The following MKLN1 variants were observed in gnomAD, a reference collection of about 807,000 sequenced individuals.
The protein encoded by MKLN1 is muskelin.
Under a neutral mutation model 99.0 loss-of-function variants are expected in MKLN1, and 18 were observed. That is an observed-to-expected ratio of 0.18 (90% CI 0.13 to 0.27). The LOEUF (loss-of-function observed/expected upper bound fraction) is 0.27, where lower values mean the gene tolerates loss of function less well. Among genes scored for constraint, MKLN1 ranks in the 10% least tolerant of loss-of-function variants. MKLN1 has a pLI of 1.00. For missense variants in MKLN1, 621 were observed against 875.9 expected, an observed-to-expected ratio of 0.71 and a Z score of 3.67; for synonymous variants, 288 against 293.2, an observed-to-expected ratio of 0.98 and a Z score of 0.18.
At chr7:131,173,962 C>CTTTT in intron 2 of MKLN1, among the ~76,000 whole-genome samples, 1 of 139,892 alleles carries the variant, frequency 7.1e-6, no homozygotes, top group Non-Finnish European at 1.5e-5. Context: ...GTTTAAAGAC[C>CTTTT]TTTTTCTTTT....
At chr7:131,467,165 A>G (rs1796688763) in intron 15 of MKLN1, among the ~76,000 whole-genome samples, 1 of 152,154 alleles carries the variant, frequency 6.6e-6, no homozygotes, top group African/African-American at 2.4e-5. Context: ...CAGACTGTCA[A>G]TTACTTTATG....
At position 131,495,227 on chromosome 7, in the gene MKLN1, C is replaced by T. The variant is rs1418746483; in HGVS notation, c.*7499C>T. ...TCTGATAGAGATAGATTCTCAAAAC[C>T]AAAATTGGACTGAAAATTAGATTGA... On this transcript the variant is annotated 3_prime_UTR_variant, in exon 18 of 18. Coordinates refer to ENST00000352689, the MANE Select transcript of MKLN1 (RefSeq NM_013255.5). The T allele has an allele frequency of 1.3e-5, 2 of 152,074 alleles. No homozygotes were observed. Among genetic ancestry groups the T allele is most frequent in the Non-Finnish European group, 2.9e-5 (2 of 68,004 alleles). The allele number at this position is 152,074 out of a possible 1,614,324, so 9.4% of individuals were successfully genotyped here.
intron 2 of MKLN1, among the ~76,000 whole-genome samples, chr7:131,199,204 T>C (rs1391613000): frequency 2.0e-5 from 3 of 151,122 alleles, no homozygotes; most frequent in Non-Finnish European, 2.9e-5. Flanking sequence ...GGTTAAAGCA[T>C]GGACATATAA....
chr7:131,154,999 A>G (rs1460391998), intron 2 of MKLN1, among the ~76,000 whole-genome samples: 1 of 152,164 alleles, frequency 6.6e-6, no homozygotes, highest in South Asian at 2.1e-4. Context: ...AGACATTTAC[A>G]CTGACATAGT....
At chr7:131,178,268 C>T (rs555519349) in intron 2 of MKLN1, among the ~76,000 whole-genome samples, 1 of 148,636 alleles carries the variant, frequency 6.7e-6, no homozygotes, top group South Asian at 2.1e-4. Flanking sequence ...AGGCGCCTGC[C>T]ACATGCCCGG....
At chr7:131,145,983 G>A (rs1403668921) in intron 2 of MKLN1, among the ~76,000 whole-genome samples, 2 of 152,230 alleles carry the variant, frequency 1.3e-5, no homozygotes, top group Admixed American at 1.3e-4. Context: ...CATAGTGAGT[G>A]TGTACTGTAT....
chr7:131,203,391 T>C (rs2116413431), intron 3 of MKLN1, among the ~76,000 whole-genome samples: 2 of 152,218 alleles, frequency 1.3e-5, no homozygotes, highest in African/African-American at 4.8e-5. Context: ...TGCCAGAGGA[T>C]TTTAAGGGAG....
At position 131,463,260 on chromosome 7, in the gene MKLN1, A is replaced by G. The variant is rs1796569581; in HGVS notation, c.1569A>G (p.Glu523=). 2 of 1,612,350 alleles carry G rather than the reference A, an allele frequency of 1.2e-6. No individual in the cohort carries two copies. Among genetic ancestry groups the G allele is most frequent in the Non-Finnish European group, 1.7e-6 (2 of 1,179,110 alleles). ...CACAGAGAGCAACTATTGATCCAGA[A>G]CTGAATGAAATACACGTCTTATCTG... ...GFTQRATIDP[E]LNEIHVLSGL... is the part of the protein sequence containing the mutation. The change falls in exon 13 of 18, where the codon GAA becomes GAG. Residue 523 remains glutamate, a synonymous_variant. Transcript: ENST00000352689.
At chr7:131,325,110 CTT>C (rs1439070461), upstream of MKLN1, among the ~76,000 whole-genome samples, 22 of 152,058 alleles carry the variant, frequency 1.4e-4, no homozygotes, top group South Asian at 3.9e-3. Context: ...TTCATTCACT[CTT>C]TGATAAATAT....
At chr7:131,194,569 C>T (rs572055133) in intron 2 of MKLN1, among the ~76,000 whole-genome samples, 10 of 152,294 alleles carry the variant, frequency 6.6e-5, no homozygotes, top group Admixed American at 2.0e-4. Flanking sequence ...TCCATACTTA[C>T]GGCCAGAGAA....
chr7:131,171,229 GA>G (rs1161209472), intron 2 of MKLN1, among the ~76,000 whole-genome samples: 1 of 152,114 alleles, frequency 6.6e-6, no homozygotes. Context: ...TTGAAGAGGA[GA>G]AAGCTAGCCA....
upstream of MKLN1, chr7:131,327,865 C>T (rs760266928): frequency 7.5e-6 from 12 of 1,605,452 alleles, no homozygotes; most frequent in African/African-American, 8.0e-5. Context: ...CGTTCGCTGC[C>T]AGCGGTCGGT....
At chr7:131,248,404 C>T (rs888648668) in intron 3 of MKLN1, among the ~76,000 whole-genome samples, 3 of 152,078 alleles carry the variant, frequency 2.0e-5, no homozygotes, top group Admixed American at 6.5e-5. Context: ...TTTCTACAAA[C>T]GAAATTGCCT....
intron 12 of MKLN1, among the ~76,000 whole-genome samples, chr7:131,461,671 G>C (rs1239449387): frequency 6.6e-6 from 1 of 152,052 alleles, no homozygotes; most frequent in Non-Finnish European, 1.5e-5. Flanking sequence ...TAGTATTCTA[G>C]GTTGACGTAA....
chr7:131,123,698 G>C (rs1462396750), intron 1 of MKLN1, among the ~76,000 whole-genome samples: 1 of 151,772 alleles, frequency 6.6e-6, no homozygotes, highest in African/African-American at 2.4e-5. Flanking sequence ...TGAGGCAGGA[G>C]AATTGCTTGA....
At chr7:131,194,940 A>G (rs1425881349) in intron 2 of MKLN1, among the ~76,000 whole-genome samples, 3 of 152,204 alleles carry the variant, frequency 2.0e-5, no homozygotes, top group African/African-American at 7.2e-5. Context: ...GCTAAAGTTA[A>G]CTTCTCCCTT....
At chr7:131,110,391 C>A (rs573885491) in intron 1 of MKLN1, among the ~76,000 whole-genome samples, 3 of 152,222 alleles carry the variant, frequency 2.0e-5, no homozygotes, top group South Asian at 4.1e-4. Context: ...TGGAGTGACG[C>A]CCCGAAGTTG....
chr7:131,309,555 G>A (rs1798524938), intron 3 of MKLN1, among the ~76,000 whole-genome samples: 1 of 151,856 alleles, frequency 6.6e-6, no homozygotes, highest in Non-Finnish European at 1.5e-5. Flanking sequence ...TGGGATTACA[G>A]GCACCCACCA....
chr7:131,216,520 T>C (rs1458150688), intron 3 of MKLN1, among the ~76,000 whole-genome samples: 1 of 152,222 alleles, frequency 6.6e-6, no homozygotes. Flanking sequence ...CATTGCTTTG[T>C]GCTTAGAGCT....
Sources: gnomAD v4.1 joint callset for allele counts (sites outside exome capture counted in the v4.1 genomes callset) on GRCh38, gnomAD v4.1.1 for gene constraint, MANE v1.5 for transcripts, NCBI Gene and HGNC (gene_info 2026-07-23, HGNC 2026-07-21) for gene names.